MTDH: variants seen among roughly 807,000 people sequenced by gnomAD.
MTDH encodes protein LYRIC.
In MTDH, 34 loss-of-function variants were observed where a neutral mutation model predicts 72.7. The observed-to-expected ratio is 0.47, with a 90% CI of 0.36 to 0.62. The LOEUF (loss-of-function observed/expected upper bound fraction) is 0.62. Among genes scored for constraint, MTDH ranks in the 20% least tolerant of loss-of-function variants. MTDH has a pLI of 0.00. For missense variants in MTDH, 677 were observed against 699.4 expected, an observed-to-expected ratio of 0.97 and a Z score of 0.36; for synonymous variants, 266 against 268.9, an observed-to-expected ratio of 0.99 and a Z score of 0.10.
chr8:97,688,538 G>A (rs1813456643), intron 4 of MTDH, among the ~76,000 whole-genome samples: 1 of 152,042 alleles, frequency 6.6e-6, no homozygotes, highest in African/African-American at 2.4e-5. Flanking sequence ...TGATCATTAT[G>A]CTTTTTAGTG....
At chr8:97,700,102 T>C (rs1195248747) in intron 7 of MTDH, among the ~76,000 whole-genome samples, 1 of 152,204 alleles carries the variant, frequency 6.6e-6, no homozygotes, top group Non-Finnish European at 1.5e-5. Context: ...TTTCTAGTTT[T>C]TAAATTTTTT....
intron 2 of MTDH, among the ~76,000 whole-genome samples, chr8:97,681,491 C>CTTTTTTT (rs35262209): frequency 4.6e-5 from 5 of 108,854 alleles, no homozygotes; most frequent in East Asian, 5.7e-4. Flanking sequence ...AGAATTTTTT[C>CTTTTTTT]TTTTTTTTTT....
intron 1 of MTDH, among the ~76,000 whole-genome samples, chr8:97,647,466 G>A (rs149644032): frequency 0.015 from 2,340 of 152,192 alleles, 34 homozygotes; most frequent in South Asian, 0.04. Flanking sequence ...TGGAGGCTGA[G>A]GTTGGAGGAT....
chr8:97,663,519 C>T (rs935700268), intron 2 of MTDH, among the ~76,000 whole-genome samples: 3 of 151,836 alleles, frequency 2.0e-5, no homozygotes, highest in African/African-American at 4.8e-5. Flanking sequence ...GAGGCCGAGG[C>T]GGGCAGATCA....
chr8:97,706,051 T>G (rs1474448629), intron 7 of MTDH, among the ~76,000 whole-genome samples: 2 of 152,144 alleles, frequency 1.3e-5, no homozygotes, highest in Non-Finnish European at 2.9e-5. Flanking sequence ...AAAAGCACAT[T>G]GAATGATCTG....
At chr8:97,713,601 T>A (rs1814723639) in intron 8 of MTDH, 61 bp from the exon 9 acceptor site, 1 of 928,966 alleles carries the variant, frequency 1.1e-6, no homozygotes, top group Non-Finnish European at 1.6e-6. Context: ...TCATAATAAT[T>A]TTCTAAATAA....
At chr8:97,700,875 T>C (rs1814092167) in intron 7 of MTDH, among the ~76,000 whole-genome samples, 2 of 152,090 alleles carry the variant, frequency 1.3e-5, no homozygotes, top group Non-Finnish European at 1.5e-5. Context: ...ATAGTAATCA[T>C]CAAGGTAAGC....
intron 6 of MTDH, among the ~76,000 whole-genome samples, chr8:97,693,653 T>C (rs1420179938): frequency 6.6e-6 from 1 of 152,222 alleles, no homozygotes; most frequent in East Asian, 1.9e-4. Context: ...ATTTCTTTTA[T>C]GAATTGTCTG....
At chr8:97,650,661 T>C (rs1409502141) in intron 1 of MTDH, among the ~76,000 whole-genome samples, 2 of 152,114 alleles carry the variant, frequency 1.3e-5, no homozygotes, top group African/African-American at 4.8e-5. Flanking sequence ...TCAGCTAGAG[T>C]TATATATTGT....
At position 97,691,137 on chromosome 8, in the gene MTDH, G is replaced by A; in HGVS notation, c.997G>A (p.Gly333Arg). 6.2e-7 allele frequency: 1 copy of A among 1,613,826 alleles called. No homozygotes were observed. Among genetic ancestry groups the A allele is most frequent in the South Asian group, 1.1e-5 (1 of 91,032 alleles). ...AGACACTGGAGATGCTAATACAAAT[G>A]GAAAAGACTGGGGAAGGAGTTGGAG... is the stretch of plus-strand genomic sequence containing the variant. ...SQDTGDANTN[G>R]KDWGRSWSDR... The change falls in exon 6 of 12, where the codon GGA becomes AGA. Residue 333 changes from glycine (G) to arginine (R), a missense_variant. Physicochemically the swap from Gly to Arg is moderately radical, Grantham distance 125 (BLOSUM62 -2). Transcript: ENST00000336273.
chr8:97,664,908 G>A (rs933181652), intron 2 of MTDH, among the ~76,000 whole-genome samples: 7 of 152,060 alleles, frequency 4.6e-5, no homozygotes, highest in East Asian at 1.9e-4. Flanking sequence ...TTATAGGCAC[G>A]CACCACCACG....
chr8:97,670,044 G>A (rs116413535), intron 2 of MTDH, among the ~76,000 whole-genome samples: 7 of 151,884 alleles, frequency 4.6e-5, no homozygotes, highest in African/African-American at 1.7e-4. Flanking sequence ...CCTGGGCGCC[G>A]TGGCTCACGC....
rs371936849 is a variant in MTDH, at chr8:97,660,883, T to TTATATA, written c.382-176_382-171dup. The stretch of plus-strand genomic sequence containing the variant: ...TGGTACAGAATTTTGCTTATGAATT[T>TTATATA]TATATATATATATATATAAACACTA... On this transcript the variant is annotated intron_variant, in intron 1 of 11. Transcript: ENST00000336273. 1.8e-4 allele frequency among the ~76,000 whole-genome samples: 23 copies of TTATATA among 128,300 alleles called. No individual in the cohort carries two copies. In the South Asian group the frequency reaches 2.1e-3, roughly 12 times the overall value. 84.2% of individuals were successfully genotyped at this position (128,300 alleles called of 152,430 possible). A position where few individuals can be genotyped will look rare whatever the true frequency, so the allele number is the denominator to read the frequency against.
chr8:97,706,314 C>T (rs1037330271), intron 7 of MTDH: 5 of 171,180 alleles, frequency 2.9e-5, no homozygotes, highest in Non-Finnish European at 6.2e-5. Flanking sequence ...AGGTCCTAGA[C>T]CAAGTTAAAA....
At chr8:97,660,668 CTT>C (rs1491489040) in intron 1 of MTDH, among the ~76,000 whole-genome samples, 12 of 152,022 alleles carry the variant, frequency 7.9e-5, no homozygotes, top group Non-Finnish European at 1.2e-4. Flanking sequence ...AGTTTGCTGA[CTT>C]TTGAGTAGAT....
At chr8:97,666,131 A>G (rs1328659060) in intron 2 of MTDH, among the ~76,000 whole-genome samples, 1 of 151,550 alleles carries the variant, frequency 6.6e-6, no homozygotes, top group Non-Finnish European at 1.5e-5. Flanking sequence ...CCGTCTCAAA[A>G]AAAAAAAAAA....
intron 1 of MTDH, among the ~76,000 whole-genome samples, chr8:97,646,660 C>T (rs1164814008): frequency 6.6e-6 from 1 of 152,098 alleles, no homozygotes; most frequent in African/African-American, 2.4e-5. Flanking sequence ...ATACAGATTC[C>T]GGCGAATGCT....
At chr8:97,684,077 C>T (rs961455122) in intron 2 of MTDH, among the ~76,000 whole-genome samples, 8 of 141,164 alleles carry the variant, frequency 5.7e-5, no homozygotes, top group African/African-American at 1.5e-4. Context: ...GCAGAGGTTG[C>T]GGTGAACTGA....
At chr8:97,716,943 G>T (rs1814899932) in intron 9 of MTDH, among the ~76,000 whole-genome samples, 1 of 152,166 alleles carries the variant, frequency 6.6e-6, no homozygotes. Context: ...GGCTCCCAAA[G>T]TGCTGGGATT....
Sources: gnomAD v4.1 joint callset for allele counts (sites outside exome capture counted in the v4.1 genomes callset) on GRCh38, gnomAD v4.1.1 for gene constraint, MANE v1.5 for transcripts, NCBI Gene and HGNC (gene_info 2026-07-23, HGNC 2026-07-21) for gene names.